The following IL1R1 variants were observed in gnomAD, a reference collection of about 807,000 sequenced individuals.
IL1R1 encodes interleukin-1 receptor type 1.
Under a neutral mutation model 50.2 loss-of-function variants are expected in IL1R1, and 22 were observed. That is an observed-to-expected ratio of 0.44 (90% confidence interval 0.31 to 0.63). The LOEUF is 0.63. IL1R1 is among the 20% of genes least tolerant of loss of function. IL1R1 has a pLI of 0.07. For missense variants in IL1R1, 509 were observed against 676.2 expected (o/e 0.75, Z 2.74); for synonymous variants, 251 against 236.7 (o/e 1.06, Z -0.55).
intron 1 of IL1R1, among the ~76,000 whole-genome samples, chr2:102,088,917 C>G (rs764453474): frequency 1.4e-4 from 21 of 152,230 alleles, no homozygotes; most frequent in Middle Eastern, 3.2e-3. Flanking sequence ...GCAGGTTTCT[C>G]ACCTCTCTCA....
intron 1 of IL1R1, among the ~76,000 whole-genome samples, chr2:102,073,239 G>A (rs1486532262): frequency 2.0e-5 from 3 of 152,098 alleles, no homozygotes; most frequent in South Asian, 2.1e-4. Flanking sequence ...TGGGGACCAC[G>A]GATACAATAC....
chr2:102,076,070 G>A (rs1179404221), intron 1 of IL1R1, among the ~76,000 whole-genome samples: 1 of 152,054 alleles, frequency 6.6e-6, no homozygotes, highest in Non-Finnish European at 1.5e-5. Flanking sequence ...TATGTTATGA[G>A]ACCCACAATA....
upstream of IL1R1, among the ~76,000 whole-genome samples, chr2:102,140,551 T>A (rs1682587774): frequency 6.6e-6 from 1 of 152,236 alleles, no homozygotes; most frequent in African/African-American, 2.4e-5. Flanking sequence ...TTGGATTGCA[T>A]CACTAGCATA....
chr2:102,131,957 C>T (rs546385986), intron 1 of IL1R1, among the ~76,000 whole-genome samples: 3 of 152,014 alleles, frequency 2.0e-5, no homozygotes, highest in South Asian at 2.1e-4. Flanking sequence ...GGAAAAAATA[C>T]GCCTACCAAG....
chr2:102,165,189 C>G lies in IL1R1; in HGVS notation c.371C>G (p.Ala124Gly), dbSNP rs2228139. ...VENEPNLCYN[A>G]QAIFKQKLPV... Reference sequence around the variant, plus strand: ...AATGAGCCTAACTTATGTTATAATGCACAAGCCATATTTAAGCAGAAACTA... The same window carrying G: ...AATGAGCCTAACTTATGTTATAATGGACAAGCCATATTTAAGCAGAAACTA... Residue 124 changes from alanine (A) to glycine (G), a missense_variant, in exon 5 of 12, where the codon GCA becomes GGA. Coordinates refer to ENST00000410023, the MANE Select transcript of IL1R1 (RefSeq NM_000877.4). The G allele has an allele frequency of 0.062, 99,040 of 1,592,528 alleles. 3,508 individuals carry two copies. Among genetic ancestry groups the G allele is most frequent in the Non-Finnish European group, 0.069 (80,573 of 1,172,664 alleles).
At chr2:102,168,967 T>A (rs1685439251) in intron 7 of IL1R1, among the ~76,000 whole-genome samples, 1 of 151,954 alleles carries the variant, frequency 6.6e-6, no homozygotes, top group East Asian at 1.9e-4. Flanking sequence ...GGTACAGGAT[T>A]GGATTTCTTT....
At chr2:102,158,756 G>C (rs1202790898) in intron 3 of IL1R1, among the ~76,000 whole-genome samples, 1 of 152,144 alleles carries the variant, frequency 6.6e-6, no homozygotes, top group Non-Finnish European at 1.5e-5. Flanking sequence ...GAAGACTTCA[G>C]GGTTCTTTGT....
intron 1 of IL1R1, among the ~76,000 whole-genome samples, chr2:102,150,217 C>A (rs1683528310): frequency 6.6e-6 from 1 of 152,192 alleles, no homozygotes; most frequent in African/African-American, 2.4e-5. Context: ...CTGCACTGGG[C>A]CCTAGGCCTT....
intron 1 of IL1R1, among the ~76,000 whole-genome samples, chr2:102,073,126 C>T (rs1237228622): frequency 6.6e-6 from 1 of 152,138 alleles, no homozygotes; most frequent in Non-Finnish European, 1.5e-5. Flanking sequence ...ATTCCCAAGG[C>T]TCCACTTTGG....
At chr2:102,100,649 C>T (rs548412969), upstream of IL1R1, among the ~76,000 whole-genome samples, 22 of 152,318 alleles carry the variant, frequency 1.4e-4, no homozygotes, top group Middle Eastern at 3.4e-3. Flanking sequence ...TCATTTCATG[C>T]TTTCTCTTGG....
chr2:102,114,990 C>A (rs1680986483), intron 1 of IL1R1, among the ~76,000 whole-genome samples: 3 of 152,126 alleles, frequency 2.0e-5, no homozygotes, highest in Non-Finnish European at 1.5e-5. Context: ...CGGTGACATA[C>A]AAATAGGGGA....
rs144023961 is a variant in IL1R1 at position 102,107,356 on chromosome 2, G to A, written c.-84+2484G>A. On this transcript the variant is annotated intron_variant, in intron 1 of 10. Transcript: ENST00000409329. ...TGTCCTTTGTAGGGACATGGATGAAGCTGGAAACCATCATCCTGAGCAAAC... is the reference window on the plus strand; with the variant it reads ...TGTCCTTTGTAGGGACATGGATGAAACTGGAAACCATCATCCTGAGCAAAC... Among the ~76,000 whole-genome samples the A allele has an allele frequency of 3.0e-3, 458 of 152,232 alleles. 1 individual carries two copies. The highest frequency in any genetic ancestry group is 0.01 in the African/African-American group (436 of 41,528).
At chr2:102,081,549 C>A (rs1247528849) in intron 1 of IL1R1, among the ~76,000 whole-genome samples, 3 of 152,338 alleles carry the variant, frequency 2.0e-5, no homozygotes, top group East Asian at 1.9e-4. Context: ...CAGGAAATAA[C>A]AGCTCCTTCC....
At chr2:102,076,864 T>A (rs926181268) in intron 1 of IL1R1, among the ~76,000 whole-genome samples, 1 of 152,122 alleles carries the variant, frequency 6.6e-6, no homozygotes, top group Non-Finnish European at 1.5e-5. Context: ...GTAGCCATTA[T>A]TTATTCAAAT....
upstream of IL1R1, among the ~76,000 whole-genome samples, chr2:102,103,080 G>T (rs1405871670): frequency 6.6e-6 from 1 of 152,118 alleles, no homozygotes; most frequent in Non-Finnish European, 1.5e-5. Flanking sequence ...AAAATCTGTA[G>T]ACCAAGCCGC....
chr2:102,145,092 T>C (rs1683003790), intron 1 of IL1R1, among the ~76,000 whole-genome samples: 2 of 152,140 alleles, frequency 1.3e-5, no homozygotes, highest in Admixed American at 6.5e-5. Context: ...GCATAGTGGG[T>C]GGAGAAGTAC....
upstream of IL1R1, among the ~76,000 whole-genome samples, chr2:102,103,554 T>A (rs1680245489): frequency 6.6e-6 from 1 of 152,182 alleles, no homozygotes; most frequent in African/African-American, 2.4e-5. Flanking sequence ...TGAGACCAGA[T>A]GTCTGAAGAC....
intron 1 of IL1R1, among the ~76,000 whole-genome samples, chr2:102,124,985 G>A (rs150432366): frequency 0.023 from 3,565 of 152,178 alleles, 130 homozygotes; most frequent in African/African-American, 0.081. Context: ...GGGAACCACC[G>A]CCATAATCCA....
intron 1 of IL1R1, among the ~76,000 whole-genome samples, chr2:102,114,421 G>C (rs189244716): frequency 1.3e-5 from 2 of 152,306 alleles, no homozygotes; most frequent in East Asian, 3.9e-4. Context: ...GGGAAAATAT[G>C]TGATTATTGT....
Sources: gnomAD v4.1 joint callset for allele counts (sites outside exome capture counted in the v4.1 genomes callset) on GRCh38, gnomAD v4.1.1 for gene constraint, MANE v1.5 for transcripts, NCBI Gene and HGNC (gene_info 2026-07-23, HGNC 2026-07-21) for gene names.